The following PLEKHF2 variants were observed in gnomAD, a reference collection of about 807,000 sequenced individuals.
The protein encoded by PLEKHF2 is pleckstrin homology domain-containing family F member 2.
PLEKHF2 carries 4 observed loss-of-function variants against 14.7 expected under a neutral mutation model. That is an observed-to-expected ratio of 0.27 (90% CI 0.13 to 0.62). The LOEUF is 0.62. Among genes scored for constraint, PLEKHF2 ranks in the 20% least tolerant of loss-of-function variants. The pLI is 0.85. For missense variants in PLEKHF2, 201 were observed against 307.7 expected, an observed-to-expected ratio of 0.65 and a Z score of 2.60; for synonymous variants, 90 against 103.5, an observed-to-expected ratio of 0.87 and a Z score of 0.79.
rs1162178267 is a variant in PLEKHF2, at chr8:95,154,953, C to G, written c.*159C>G. 6 of 807,064 alleles carry G rather than the reference C, an allele frequency of 7.4e-6. No individual in the cohort carries two copies. The highest frequency in any genetic ancestry group is 1.2e-5 in the Non-Finnish European group (6 of 513,316). 50.0% of individuals were successfully genotyped at this position (807,064 alleles called of 1,614,324 possible). A position where few individuals can be genotyped will look rare whatever the true frequency, so the allele number is the denominator to read the frequency against. ...TCAATATATTCCATAGAAAGTAGGT[C>G]CCCCTGCCTTCTCCCACTCCTCACA... On this transcript the variant is annotated 3_prime_UTR_variant, in exon 2 of 2. Transcript: ENST00000315367. The surrounding 1 kb of genome is among the most constrained non-coding windows in gnomAD (Gnocchi z 5.6).
At chr8:95,145,357 A>G (rs1195555950) in intron 1 of PLEKHF2, among the ~76,000 whole-genome samples, 1 of 152,244 alleles carries the variant, frequency 6.6e-6, no homozygotes, top group East Asian at 1.9e-4. Flanking sequence ...GAAGGGACAG[A>G]AAAAATCTTG....
chr8:95,155,093 G>A lies in PLEKHF2; in HGVS notation c.*299G>A, dbSNP rs1810602394. 1.6e-5 allele frequency: 5 copies of A among 316,398 alleles called. No homozygotes were observed. In the South Asian group the frequency reaches 3.0e-4, roughly 19 times the overall value. 19.6% of individuals were successfully genotyped at this position (316,398 alleles called of 1,614,324 possible). A position where few individuals can be genotyped will look rare whatever the true frequency, so the allele number is the denominator to read the frequency against. On this transcript the variant is annotated 3_prime_UTR_variant, in exon 2 of 2. Coordinates refer to ENST00000315367, the MANE Select transcript of PLEKHF2 (RefSeq NM_024613.4). ...AAAGATGTTTGTTTTAACAGGTCAT[G>A]TACTACGTTGTTGTTTTCATTTCTG...
chr8:95,151,676 T>A (rs1810566434), intron 1 of PLEKHF2, among the ~76,000 whole-genome samples: 1 of 152,112 alleles, frequency 6.6e-6, no homozygotes, highest in Admixed American at 6.6e-5. Context: ...GTTTAATTTA[T>A]TATTTTTTAA....
intron 1 of PLEKHF2, among the ~76,000 whole-genome samples, chr8:95,144,016 T>C (rs984000903): frequency 2.0e-5 from 3 of 151,762 alleles, no homozygotes; most frequent in Non-Finnish European, 4.4e-5. Context: ...TGAGATTTTT[T>C]GTGTGTGTGA....
At chr8:95,145,549 G>A (rs1348412393) in intron 1 of PLEKHF2, among the ~76,000 whole-genome samples, 2 of 150,990 alleles carry the variant, frequency 1.3e-5, no homozygotes, top group African/African-American at 4.9e-5. Context: ...TCAGCCTCCC[G>A]AGTAGCTGGG....
chr8:95,140,704 G>A (rs1395383946), intron 1 of PLEKHF2, among the ~76,000 whole-genome samples: 1 of 152,072 alleles, frequency 6.6e-6, no homozygotes, highest in East Asian at 1.9e-4. Flanking sequence ...TGAATTTCTG[G>A]TCCTTACAAG....
rs1810491660 is a variant in PLEKHF2, at chr8:95,145,640, G to A, written c.-14-8391G>A. On this transcript the variant is annotated intron_variant, in intron 1 of 1. Coordinates refer to ENST00000315367, the MANE Select transcript of PLEKHF2 (RefSeq NM_024613.4). ...GGGGTTTCACCGTGTTAGCCAGGAT[G>A]GTCTCGATCTCCTGACCTTGTGATC... Among the ~76,000 whole-genome samples the A allele has an allele frequency of 5.3e-5, 8 of 151,996 alleles. No individual in the cohort carries two copies. The South Asian group carries it at 1.7e-3, about 32-fold the overall frequency.
At chr8:95,144,162 T>A (rs938637827) in intron 1 of PLEKHF2, among the ~76,000 whole-genome samples, 2 of 152,214 alleles carry the variant, frequency 1.3e-5, no homozygotes, top group African/African-American at 2.4e-5. Context: ...ATTTAAATAA[T>A]AAAAATTTAG....
intron 1 of PLEKHF2, among the ~76,000 whole-genome samples, chr8:95,136,101 A>G (rs184494901): frequency 6.6e-6 from 1 of 152,304 alleles, no homozygotes; most frequent in East Asian, 1.9e-4. Context: ...ACAGCAGGCA[A>G]CACATCGGGT....
At chr8:95,152,436 G>C (rs1266449877) in intron 1 of PLEKHF2, among the ~76,000 whole-genome samples, 1 of 151,984 alleles carries the variant, frequency 6.6e-6, no homozygotes, top group Non-Finnish European at 1.5e-5. Flanking sequence ...CTGAATCTTA[G>C]TAAATTTAAA....
At chr8:95,149,441 A>G (rs763892634) in intron 1 of PLEKHF2, among the ~76,000 whole-genome samples, 1 of 152,204 alleles carries the variant, frequency 6.6e-6, no homozygotes, top group Non-Finnish European at 1.5e-5. Context: ...AATACCCAGC[A>G]TCTATAGAGT....
chr8:95,134,765 G>T (rs1020839678), intron 1 of PLEKHF2, among the ~76,000 whole-genome samples: 2 of 152,150 alleles, frequency 1.3e-5, no homozygotes, highest in African/African-American at 4.8e-5. Context: ...GAAGGTTACA[G>T]ACACCTAAGC....
Position 95,155,283 on chromosome 8 carries a change from C to T in PLEKHF2, c.*489C>T, listed in dbSNP as rs1563885088. 5.7e-6 allele frequency: 1 copy of T among 174,312 alleles called. No homozygotes were observed. The highest frequency in any genetic ancestry group is 1.4e-5 in the Non-Finnish European group (1 of 71,754). The allele number at this position is 174,312 out of a possible 1,614,324, so 10.8% of individuals were successfully genotyped here. On this transcript the variant is annotated 3_prime_UTR_variant, in exon 2 of 2. Coordinates refer to ENST00000315367, the MANE Select transcript of PLEKHF2 (RefSeq NM_024613.4). ...TGGCTTTTTCATATACCTAGTGGTG[C>T]CTTATCATAATAGCACTGTTACATG...
At chr8:95,140,018 A>G (rs1007411876) in intron 1 of PLEKHF2, among the ~76,000 whole-genome samples, 1 of 151,830 alleles carries the variant, frequency 6.6e-6, no homozygotes, top group Non-Finnish European at 1.5e-5. Context: ...TTTTTCTTCC[A>G]GCATCAGCCA....
intron 1 of PLEKHF2, among the ~76,000 whole-genome samples, chr8:95,142,065 C>T (rs903384962): frequency 3.9e-5 from 6 of 151,940 alleles, no homozygotes; most frequent in African/African-American, 7.3e-5. Context: ...AACCTTGTGG[C>T]GTATATCTTA....
At chr8:95,137,862 T>C (rs755529919) in intron 1 of PLEKHF2, among the ~76,000 whole-genome samples, 9 of 152,250 alleles carry the variant, frequency 5.9e-5, no homozygotes, top group Non-Finnish European at 1.2e-4. Flanking sequence ...TTAAACCCTG[T>C]GGCCAGATGG....
In PLEKHF2 at chr8:95,154,624, C is replaced by G. The variant is rs1379582862; in HGVS notation, c.580C>G (p.Pro194Ala). The change falls in exon 2 of 2, where the codon CCC becomes GCC. Residue 194 changes from proline (P) to alanine (A), a missense_variant. By Grantham distance (27) the Pro-to-Ala change is conservative (BLOSUM62 -1). Transcript: ENST00000315367. The surrounding 1 kb of genome is among the most constrained non-coding windows in gnomAD (Gnocchi z 5.6). Reference protein sequence around the residue: ...GPCSEKRFLLPSQSSKPVRIC... With the variant: ...GPCSEKRFLLASQSSKPVRIC... The stretch of plus-strand genomic sequence containing the variant: ...CTGCTCTGAAAAGAGATTTCTTCTT[C>G]CCAGCCAGTCCTCTAAGCCTGTGCG... The G allele has an allele frequency of 6.2e-7, 1 of 1,614,004 alleles. No homozygotes were observed. The highest frequency in any genetic ancestry group is 1.3e-5 in the African/African-American group (1 of 74,910).
chr8:95,154,999 T>G lies in PLEKHF2; in HGVS notation c.*205T>G. ...TCACACTCTTCTACAGGGATAGGCTTTTGCAAATATATCAGATAAATTTTT... is the reference window on the plus strand; with the variant it reads ...TCACACTCTTCTACAGGGATAGGCTGTTGCAAATATATCAGATAAATTTTT... On this transcript the variant is annotated 3_prime_UTR_variant, in exon 2 of 2. Coordinates refer to ENST00000315367, the MANE Select transcript of PLEKHF2 (RefSeq NM_024613.4). This position sits in a 1 kb window ranked among gnomAD's most constrained non-coding sequence, Gnocchi z 5.6. 1 of 538,432 alleles carries G rather than the reference T, an allele frequency of 1.9e-6. No homozygotes were observed. Among genetic ancestry groups the G allele is most frequent in the South Asian group, 3.9e-5 (1 of 25,614 alleles). 33.4% of individuals were successfully genotyped at this position (538,432 alleles called of 1,614,324 possible).
chr8:95,148,944 G>GT (rs1369821412), intron 1 of PLEKHF2, among the ~76,000 whole-genome samples: 1 of 151,952 alleles, frequency 6.6e-6, no homozygotes, highest in Non-Finnish European at 1.5e-5. Flanking sequence ...GAAAAGATCT[G>GT]TAAGTTTAAC....
Sources: allele counts gnomAD v4.1 joint callset (sites outside exome capture counted in the v4.1 genomes callset), GRCh38; gene constraint gnomAD v4.1.1; non-coding constraint Gnocchi (gnomAD v3.1); transcripts MANE v1.5; gene names NCBI Gene and HGNC (gene_info 2026-07-23, HGNC 2026-07-21).